Variants in LOC400499 observed in about 807,000 individuals in gnomAD.
chr16:11,390,341 C>T, the LOC400499 span: 3 of 1,233,816 alleles, frequency 2.4e-6, no homozygotes, highest in Non-Finnish European at 3.0e-6. Flanking sequence ...CCCCCTTTGC[C>T]TGGCATCCCG....
the LOC400499 span, among the ~76,000 whole-genome samples, chr16:11,397,757 T>TGGAGGGAGGGAGGGAGGGAGGGAG: frequency 6.2e-5 from 1 of 16,102 alleles, no homozygotes; most frequent in Admixed American, 8.9e-4. Flanking sequence ...GAGGGAGGGA[T>TGGAGGGAGGGAGGGAGGGAGGGAG]GGAGGGAGGG....
chr16:11,514,600 C>A, the LOC400499 span: 34 of 399,560 alleles, frequency 8.5e-5, no homozygotes, highest in African/African-American at 6.0e-4. Context: ...CAGGACCCAG[C>A]TGGGACCAAG....
At chr16:11,397,956 G>A in the LOC400499 span, among the ~76,000 whole-genome samples, 12 of 152,140 alleles carry the variant, frequency 7.9e-5, no homozygotes, top group African/African-American at 2.7e-4. Flanking sequence ...GTTGGTGGAT[G>A]GAAGAACCAA....
At chr16:11,413,310 G>A in the LOC400499 span, among the ~76,000 whole-genome samples, 1 of 152,202 alleles carries the variant, frequency 6.6e-6, no homozygotes, top group Non-Finnish European at 1.5e-5. Flanking sequence ...GGGGTACAGG[G>A]CTGAGATCCT....
At chr16:11,490,728 A>G in the LOC400499 span, among the ~76,000 whole-genome samples, 1 of 152,226 alleles carries the variant, frequency 6.6e-6, no homozygotes, top group African/African-American at 2.4e-5. Context: ...AAAAAAGCCA[A>G]GAGCACAACA....
the LOC400499 span, among the ~76,000 whole-genome samples, chr16:11,498,147 C>G: frequency 1.3e-5 from 2 of 152,090 alleles, no homozygotes; most frequent in African/African-American, 4.8e-5. Flanking sequence ...ATCAAGAAGC[C>G]ACACTTCACC....
chr16:11,452,494 G>C, the LOC400499 span, among the ~76,000 whole-genome samples: 162 of 152,336 alleles, frequency 1.1e-3, no homozygotes, highest in African/African-American at 3.8e-3. Flanking sequence ...GGGTACCCGA[G>C]GATCCTGCAC....
chr16:11,435,429 C>T, the LOC400499 span, among the ~76,000 whole-genome samples: 1 of 152,144 alleles, frequency 6.6e-6, no homozygotes, highest in East Asian at 1.9e-4. Context: ...TCCTTTAAGC[C>T]ATCTACAACG....
chr16:11,461,176 C>T, the LOC400499 span: 1 of 1,476,942 alleles, frequency 6.8e-7, no homozygotes, highest in Non-Finnish European at 9.0e-7. Flanking sequence ...CCAGCACCCC[C>T]ATCCCCAGGC....
the LOC400499 span, among the ~76,000 whole-genome samples, chr16:11,414,048 C>T: frequency 6.6e-6 from 1 of 152,178 alleles, no homozygotes; most frequent in Non-Finnish European, 1.5e-5. Context: ...CAGGGCTTGA[C>T]AAGCAGGAGC....
At chr16:11,491,781 T>A in the LOC400499 span, 1 of 398,664 alleles carries the variant, frequency 2.5e-6, no homozygotes, top group Non-Finnish European at 4.4e-6. Flanking sequence ...CAGGGCCAGG[T>A]AGGCATTGAT....
chr16:11,387,139 T>A, the LOC400499 span: 1 of 1,232,134 alleles, frequency 8.1e-7, no homozygotes, highest in African/African-American at 1.6e-5. Flanking sequence ...GCAGGCGGCG[T>A]CTGAGCCAGT....
At chr16:11,474,590 C>T in the LOC400499 span, among the ~76,000 whole-genome samples, 8 of 151,964 alleles carry the variant, frequency 5.3e-5, no homozygotes, top group Non-Finnish European at 7.4e-5. Context: ...CCGGGTGCAG[C>T]GGCTCATGCC....
At chr16:11,461,983 G>C in the LOC400499 span, 11 of 818,408 alleles carry the variant, frequency 1.3e-5, no homozygotes, top group African/African-American at 1.9e-4. Flanking sequence ...CTCACATGGA[G>C]CTTGGATCTG....
At chr16:11,454,225 T>C in the LOC400499 span, among the ~76,000 whole-genome samples, 33 of 152,344 alleles carry the variant, frequency 2.2e-4, no homozygotes, top group African/African-American at 7.5e-4. Context: ...CCTAAAATTC[T>C]CCACTCAAAC....
At chr16:11,482,100 G>A in the LOC400499 span, among the ~76,000 whole-genome samples, 2 of 152,178 alleles carry the variant, frequency 1.3e-5, no homozygotes, top group African/African-American at 4.8e-5. Context: ...AACCTCCCAC[G>A]TGGAGCAGCT....
the LOC400499 span, among the ~76,000 whole-genome samples, chr16:11,430,417 G>C: frequency 1.2e-4 from 18 of 152,166 alleles, no homozygotes; most frequent in Middle Eastern, 3.2e-3. Context: ...TTGTACCCGG[G>C]AGGCGGAGGT....
chr16:11,493,026 T>C, the LOC400499 span, among the ~76,000 whole-genome samples: 1 of 151,602 alleles, frequency 6.6e-6, no homozygotes, highest in Non-Finnish European at 1.5e-5. Flanking sequence ...CAAGAGAGGG[T>C]CACAAGTGTT....
chr16:11,504,680 T>C, the LOC400499 span, among the ~76,000 whole-genome samples: 1 of 152,064 alleles, frequency 6.6e-6, no homozygotes, highest in African/African-American at 2.4e-5. Flanking sequence ...GCCAGCACTT[T>C]GGGAGGTCGA....
Sources: gnomAD v4.1 joint callset for allele counts (sites outside exome capture counted in the v4.1 genomes callset) on GRCh38, gnomAD v4.1.1 for gene constraint, MANE v1.5 for transcripts.